The following NR3C2 variants were observed in gnomAD, a reference collection of about 807,000 sequenced individuals.
NR3C2 encodes the protein mineralocorticoid receptor.
NR3C2 carries 15 observed loss-of-function variants against 86.4 expected under a neutral mutation model. That is an observed-to-expected ratio of 0.17 (90% confidence interval 0.12 to 0.27). The LOEUF (loss-of-function observed/expected upper bound fraction) is 0.27, where lower values mean the gene tolerates loss of function less well. Ranked by LOEUF, NR3C2 falls within the 10% of genes least tolerant of loss-of-function variation. The pLI is 1.00. For synonymous variants in NR3C2, 458 were observed against 450.5 expected, an observed-to-expected ratio of 1.02 and a Z score of -0.21; for missense variants, 960 against 1,195.6, an observed-to-expected ratio of 0.80 and a Z score of 2.91.
intron 2 of NR3C2, among the ~76,000 whole-genome samples, chr4:148,309,654 A>C (rs2149934512): frequency 6.6e-6 from 1 of 152,340 alleles, no homozygotes; most frequent in South Asian, 2.1e-4. Flanking sequence ...CAATCTAGTA[A>C]GAAGAGACAC....
At chr4:148,271,718 T>C (rs1740695419) in intron 2 of NR3C2, among the ~76,000 whole-genome samples, 1 of 152,134 alleles carries the variant, frequency 6.6e-6, no homozygotes, top group Admixed American at 6.5e-5. Flanking sequence ...AGAAAAAAAC[T>C]ATCACTATTA....
chr4:148,172,736 G>C (rs1056979778), intron 4 of NR3C2, among the ~76,000 whole-genome samples: 1 of 152,092 alleles, frequency 6.6e-6, no homozygotes, highest in Non-Finnish European at 1.5e-5. Flanking sequence ...AAAGACAAAA[G>C]GACAATTCTG....
At chr4:148,318,755 C>G (rs1743374076) in intron 2 of NR3C2, among the ~76,000 whole-genome samples, 1 of 152,012 alleles carries the variant, frequency 6.6e-6, no homozygotes. Flanking sequence ...TGTTTGAGTT[C>G]ATTGTAGATT....
intron 8 of NR3C2, among the ~76,000 whole-genome samples, chr4:148,096,482 T>C (rs61764227): frequency 6.6e-5 from 10 of 152,140 alleles, no homozygotes; most frequent in Non-Finnish European, 1.3e-4. Flanking sequence ...CACCAAGCAA[T>C]AAGGGGCAGA....
At chr4:148,430,707 C>T (rs901045966) in intron 2 of NR3C2, among the ~76,000 whole-genome samples, 2 of 152,092 alleles carry the variant, frequency 1.3e-5, no homozygotes, top group African/African-American at 2.4e-5. Flanking sequence ...CCCTACCATT[C>T]TTTCAGACAT....
intron 3 of NR3C2, among the ~76,000 whole-genome samples, chr4:148,219,054 C>T (rs1737696076): frequency 6.6e-6 from 1 of 152,174 alleles, no homozygotes; most frequent in Non-Finnish European, 1.5e-5. Flanking sequence ...TCCATGCTGG[C>T]TACACCATTT....
chr4:148,399,275 G>A (rs1241844675), intron 2 of NR3C2, among the ~76,000 whole-genome samples: 1 of 152,038 alleles, frequency 6.6e-6, no homozygotes, highest in African/African-American at 2.4e-5. Context: ...TGAATGTCAT[G>A]ATTGCATTAA....
chr4:148,359,912 C>G (rs1745756567), intron 2 of NR3C2, among the ~76,000 whole-genome samples: 1 of 152,172 alleles, frequency 6.6e-6, no homozygotes. Context: ...GGTGAGCATT[C>G]AGGCTGAGAA....
chr4:148,354,595 C>A (rs565323953), intron 2 of NR3C2, among the ~76,000 whole-genome samples: 1 of 151,868 alleles, frequency 6.6e-6, no homozygotes, highest in Non-Finnish European at 1.5e-5. Context: ...TTCTGCAGAA[C>A]GAATAGTTGT....
intron 1 of NR3C2, among the ~76,000 whole-genome samples, chr4:148,438,361 T>C (rs1750176644): frequency 6.6e-6 from 1 of 152,178 alleles, no homozygotes; most frequent in Non-Finnish European, 1.5e-5. Context: ...TAAAGAAACA[T>C]ATCTTAAAGG....
intron 2 of NR3C2, among the ~76,000 whole-genome samples, chr4:148,310,081 TAACTAG>T (rs1471504175): frequency 1.3e-5 from 2 of 152,202 alleles, no homozygotes; most frequent in Admixed American, 1.3e-4. Context: ...TTCATCATAA[TAACTAG>T]AATTATTTTT....
intron 8 of NR3C2, among the ~76,000 whole-genome samples, chr4:148,085,074 T>G (rs1486325602): frequency 6.6e-6 from 1 of 152,084 alleles, no homozygotes; most frequent in African/African-American, 2.4e-5. Context: ...AACACCCCAC[T>G]GTCAATATTA....
At chr4:148,428,697 C>T (rs987007474) in intron 2 of NR3C2, among the ~76,000 whole-genome samples, 1 of 152,070 alleles carries the variant, frequency 6.6e-6, no homozygotes, top group African/African-American at 2.4e-5. Flanking sequence ...TAGGCTTTTT[C>T]TGTAATATCT....
At chr4:148,110,646 T>TA (rs1471635168) in intron 8 of NR3C2, among the ~76,000 whole-genome samples, 3 of 152,190 alleles carry the variant, frequency 2.0e-5, no homozygotes, top group African/African-American at 7.2e-5. Context: ...GGAATATAAA[T>TA]AGAGTATTCA....
rs888622801 is a variant in NR3C2, at chr4:148,080,007, G to A, written c.*1337C>T. On this transcript the variant is annotated 3_prime_UTR_variant, in exon 9 of 9. Transcript: ENST00000358102. ...AGGAGAAAATCTGATTTTCTAAAAT[G>A]GGAGGAAAAGATGCTCTCTGAGCCA... 6.6e-6 allele frequency: 1 copy of A among 152,136 alleles called. No homozygotes were observed. The highest frequency in any genetic ancestry group is 1.5e-5 in the Non-Finnish European group (1 of 68,026). The allele number at this position is 152,136 out of a possible 1,614,324, so 9.4% of individuals were successfully genotyped here.
intron 2 of NR3C2, among the ~76,000 whole-genome samples, chr4:148,411,145 C>A (rs1269851141): frequency 6.7e-6 from 1 of 150,138 alleles, no homozygotes; most frequent in East Asian, 2.0e-4. Flanking sequence ...CCACCACCCA[C>A]CACTGGCCCA....
chr4:148,147,047 A>AT (rs1391189423), intron 6 of NR3C2, among the ~76,000 whole-genome samples: 1 of 152,228 alleles, frequency 6.6e-6, no homozygotes, highest in Non-Finnish European at 1.5e-5. Context: ...ATGATAAGCT[A>AT]TTTCAAGGTA....
At chr4:148,391,866 CAA>C (rs11384324) in intron 2 of NR3C2, among the ~76,000 whole-genome samples, 24 of 111,644 alleles carry the variant, frequency 2.1e-4, no homozygotes, top group Non-Finnish European at 1.8e-4. Flanking sequence ...GACTCCATTG[CAA>C]AAAAAAAAAA....
At chr4:148,404,267 T>C (rs940491916) in intron 2 of NR3C2, among the ~76,000 whole-genome samples, 4 of 152,168 alleles carry the variant, frequency 2.6e-5, no homozygotes, top group Non-Finnish European at 5.9e-5. Context: ...TCACTGATTA[T>C]TTATATTAGA....
Sources: allele counts gnomAD v4.1 joint callset (sites outside exome capture counted in the v4.1 genomes callset), GRCh38; gene constraint gnomAD v4.1.1; transcripts MANE v1.5; gene names NCBI Gene and HGNC (gene_info 2026-07-23, HGNC 2026-07-21).